HSP90AA1: variants seen among roughly 807,000 people sequenced by gnomAD.
HSP90AA1 encodes heat shock protein HSP 90-alpha.
Under a neutral mutation model 73.3 loss-of-function variants are expected in HSP90AA1, and 18 were observed. The observed-to-expected ratio is 0.25, with a 90% confidence interval of 0.17 to 0.36. The LOEUF (loss-of-function observed/expected upper bound fraction) is 0.36, where lower values mean the gene tolerates loss of function less well. Among genes scored for constraint, HSP90AA1 ranks in the 10% least tolerant of loss-of-function variants. The pLI is 1.00. For missense variants in HSP90AA1, 704 were observed against 874.2 expected (o/e 0.81, Z 2.45); for synonymous variants, 477 against 296.9 (o/e 1.61, Z -6.24).
chr14:102,082,974 T>C, intron 9 of HSP90AA1, 60 bp downstream of exon 9: 3 of 1,526,940 alleles, frequency 2.0e-6, no homozygotes, highest in Non-Finnish European at 1.8e-6. Flanking sequence ...GGGCTATGTA[T>C]GACTAAGCTT....
chr14:102,115,402 T>C (rs375465572), intron 1 of HSP90AA1, among the ~76,000 whole-genome samples: 2 of 152,298 alleles, frequency 1.3e-5, no homozygotes, highest in African/African-American at 4.8e-5. Flanking sequence ...AATCTAGATT[T>C]GCAAGGATTT....
chr14:102,119,549 T>C (rs2049747510), intron 1 of HSP90AA1, among the ~76,000 whole-genome samples: 1 of 152,208 alleles, frequency 6.6e-6, no homozygotes, highest in Non-Finnish European at 1.5e-5. Flanking sequence ...AGAACAGTGG[T>C]GCGATCTCAG....
chr14:102,123,962 G>A (rs1199355641), intron 1 of HSP90AA1, among the ~76,000 whole-genome samples: 1 of 151,518 alleles, frequency 6.6e-6, no homozygotes, highest in Non-Finnish European at 1.5e-5. Flanking sequence ...CACCACACCT[G>A]GTTAATCTTT....
intron 1 of HSP90AA1, among the ~76,000 whole-genome samples, chr14:102,134,346 G>A (rs1267344135): frequency 2.0e-5 from 3 of 146,652 alleles, no homozygotes; most frequent in African/African-American, 7.6e-5. Context: ...AAAAAAAAAA[G>A]GATGACAGTA....
rs2152610830 is a variant in HSP90AA1 at position 102,083,786 on chromosome 14, C to T, written c.1338+7G>A. 6.3e-7 allele frequency: 1 copy of T among 1,593,362 alleles called. No homozygotes were observed. The highest frequency in any genetic ancestry group is 1.1e-5 in the South Asian group (1 of 90,106). On this transcript the variant is annotated splice_region_variant and intron_variant, in intron 7 of 10. Coordinates refer to ENST00000216281, the MANE Select transcript of HSP90AA1 (RefSeq NM_005348.4). Reference sequence around the variant, plus strand: ...CAATTGGAAAACTAATGGTTATTTACACCAACCTTTATGTTTTTAGAGAAC... The same window carrying T: ...CAATTGGAAAACTAATGGTTATTTATACCAACCTTTATGTTTTTAGAGAAC...
At chr14:102,101,980 G>A (rs768847708) in exon 2 of HSP90AA1, 33 of 1,613,966 alleles carry the variant, frequency 2.0e-5, no homozygotes, top group African/African-American at 9.3e-5. Context: ...ATGCAGAGAC[G>A]TGGAAGGGCT....
intron 1 of HSP90AA1, among the ~76,000 whole-genome samples, chr14:102,115,559 C>A (rs1344577191): frequency 6.6e-6 from 1 of 152,026 alleles, no homozygotes; most frequent in East Asian, 1.9e-4. Flanking sequence ...TTTCCTAATA[C>A]CTTGTAAACA....
At chr14:102,122,960 G>A (rs1297058850) in intron 1 of HSP90AA1, among the ~76,000 whole-genome samples, 3 of 152,128 alleles carry the variant, frequency 2.0e-5, no homozygotes, top group Admixed American at 6.6e-5. Flanking sequence ...GAGCCACTGC[G>A]CCCAGCCAAT....
chr14:102,134,059 G>A (rs932868733), intron 1 of HSP90AA1, among the ~76,000 whole-genome samples: 1 of 151,756 alleles, frequency 6.6e-6, no homozygotes, highest in Non-Finnish European at 1.5e-5. Flanking sequence ...GCTGAGGCAG[G>A]AGAATTGCTT....
chr14:102,085,668 T>A, intron 3 of HSP90AA1, 90 bp downstream of exon 3: 1 of 1,579,840 alleles, frequency 6.3e-7, no homozygotes, highest in Non-Finnish European at 8.7e-7. Flanking sequence ...ACACAAATTC[T>A]GTAAGCTTCA....
intron 1 of HSP90AA1, among the ~76,000 whole-genome samples, chr14:102,107,853 T>C (rs1370951240): frequency 6.6e-6 from 1 of 151,998 alleles, no homozygotes; most frequent in East Asian, 1.9e-4. Context: ...AGGGCACGTA[T>C]GAAGATGCTC....
At chr14:102,090,536 G>A (rs937214229), upstream of HSP90AA1, among the ~76,000 whole-genome samples, 7 of 151,232 alleles carry the variant, frequency 4.6e-5, no homozygotes, top group South Asian at 4.2e-4. Flanking sequence ...TACAAGCTCC[G>A]CCTCCCGGGT....
chr14:102,102,060 C>T (rs768920860), exon 2 of HSP90AA1: 1 of 1,614,052 alleles, frequency 6.2e-7, no homozygotes, highest in South Asian at 1.1e-5. Context: ...TGGGCCTTTT[C>T]TTGGTACCAG....
At chr14:102,086,157 G>A (rs2049226551) in intron 2 of HSP90AA1, 33 bp from the exon 3 acceptor site, 4 of 1,613,912 alleles carry the variant, frequency 2.5e-6, no homozygotes, top group South Asian at 2.2e-5. Flanking sequence ...TAAGCATACA[G>A]CACCCCCAAG....
chr14:102,139,687 G>A (rs113602506), upstream of HSP90AA1: 65 of 672,680 alleles, frequency 9.7e-5, 1 homozygote, highest in African/African-American at 8.1e-4. Context: ...GGCCACACCC[G>A]GGGGAGGAGC....
rs2049426764 is a variant in HSP90AA1 at position 102,096,506 on chromosome 14, G to A, written c.366+5369C>T. ...TCCAAATGCACCTGGAACCTCTTGC[G>A]ATGCCCTTCTCCAGGCAAATACGTG... On this transcript the variant is annotated intron_variant, in intron 2 of 11. Coordinates refer to the HSP90AA1 transcript ENST00000334701. Among the ~76,000 whole-genome samples, 3 of 152,180 alleles carry A rather than the reference G, an allele frequency of 2.0e-5. 1 individual carries two copies. In the South Asian group the frequency reaches 6.2e-4, roughly 32 times the overall value.
exon 2 of HSP90AA1, chr14:102,102,030 T>A (rs8005905): frequency 0.88 from 1,419,605 of 1,613,740 alleles, 627,039 homozygotes; most frequent in Admixed American, 0.9. Context: ...CCAGACACCA[T>A]CAGATGCCAG....
At chr14:102,122,374 A>G (rs1008588339) in intron 1 of HSP90AA1, among the ~76,000 whole-genome samples, 1 of 147,452 alleles carries the variant, frequency 6.8e-6, no homozygotes, top group African/African-American at 2.5e-5. Context: ...TCCACCTCCC[A>G]GGTTCACAAC....
At chr14:102,107,060 T>C (rs555370970) in intron 1 of HSP90AA1, among the ~76,000 whole-genome samples, 1 of 152,132 alleles carries the variant, frequency 6.6e-6, no homozygotes, top group East Asian at 1.9e-4. Flanking sequence ...GGGGATGATA[T>C]ACAGTGATAC....
Sources: gnomAD v4.1 joint callset for allele counts (sites outside exome capture counted in the v4.1 genomes callset) on GRCh38, gnomAD v4.1.1 for gene constraint, MANE v1.5 for transcripts, NCBI Gene and HGNC (gene_info 2026-07-23, HGNC 2026-07-21) for gene names.